The following ZNF385D variants were observed in gnomAD, a reference collection of about 807,000 sequenced individuals.
ZNF385D encodes the protein zinc finger protein 659.
A neutral mutation model predicts 35.8 loss-of-function variants in ZNF385D; 15 were observed. The ratio of observed to expected loss-of-function variants is 0.42; its 90% CI spans 0.28 to 0.64. ZNF385D has a LOEUF of 0.64. ZNF385D is among the 30% of genes least tolerant of loss of function. ZNF385D has a pLI of 0.23. For synonymous variants in ZNF385D, 212 were observed against 186.8 expected, an observed-to-expected ratio of 1.13 and a Z score of -1.10; for missense variants, 474 against 494.6, an observed-to-expected ratio of 0.96 and a Z score of 0.39.
intron 3 of ZNF385D, among the ~76,000 whole-genome samples, chr3:22,020,060 A>G (rs907313785): frequency 3.3e-5 from 5 of 151,906 alleles, no homozygotes; most frequent in African/African-American, 1.2e-4. Context: ...AACAAAATTC[A>G]TACAATTAAA....
At position 21,437,075 on chromosome 3, in the gene ZNF385D, A is replaced by C; in HGVS notation, c.568T>G (p.Cys190Gly). 3 of 1,614,034 alleles carry C rather than the reference A, an allele frequency of 1.9e-6. No individual in the cohort carries two copies. Among genetic ancestry groups the C allele is most frequent in the Non-Finnish European group, 2.5e-6 (3 of 1,179,900 alleles). Reference sequence around the variant, plus strand: ...TCTTCCTCGGTCTCAGTAGAAGGACATGAGCTATTGCCAGTGGCTGTCGTT... The same window carrying C: ...TCTTCCTCGGTCTCAGTAGAAGGACCTGAGCTATTGCCAGTGGCTGTCGTT... The part of the protein sequence containing the change: ...SPTTATGNSS[C>G]PSTETEEEKA... Residue 190 changes from cysteine to glycine, a missense_variant, in exon 5 of 8, where the codon TGT (cysteine) becomes GGT (glycine). Transcript: ENST00000281523.
chr3:22,367,107 T>C (rs1232375878), intron 2 of ZNF385D, among the ~76,000 whole-genome samples: 1 of 152,192 alleles, frequency 6.6e-6, no homozygotes. Context: ...ACAGTAGCCA[T>C]AGAAAACTAA....
At chr3:21,509,319 G>A (rs1200417825) in intron 4 of ZNF385D, among the ~76,000 whole-genome samples, 1 of 152,106 alleles carries the variant, frequency 6.6e-6, no homozygotes, top group Non-Finnish European at 1.5e-5. Context: ...AAAGGCTTCA[G>A]GATTTTTCTG....
chr3:22,235,001 C>T (rs549638483), intron 2 of ZNF385D, among the ~76,000 whole-genome samples: 18 of 152,004 alleles, frequency 1.2e-4, no homozygotes, highest in African/African-American at 4.3e-4. Context: ...ATTATATATA[C>T]CAAATCTCAA....
intron 4 of ZNF385D, among the ~76,000 whole-genome samples, chr3:21,446,248 C>G (rs418137): frequency 0.65 from 98,163 of 151,940 alleles, 31,996 homozygotes; most frequent in African/African-American, 0.72. Flanking sequence ...GGTCTCAGCT[C>G]TAAAGCTAAA....
intron 2 of ZNF385D, among the ~76,000 whole-genome samples, chr3:21,629,597 C>CT (rs988532678): frequency 2.0e-5 from 3 of 152,180 alleles, no homozygotes; most frequent in East Asian, 1.9e-4. Context: ...TTTTCTTCTT[C>CT]TTTTTTTAAC....
chr3:22,261,170 A>T (rs76935694), intron 2 of ZNF385D, among the ~76,000 whole-genome samples: 1,635 of 151,842 alleles, frequency 0.011, 23 homozygotes, highest in African/African-American at 0.037. Context: ...TAGCCTCTCA[A>T]ATTTGTTGTT....
At chr3:21,911,297 C>T (rs1429048765) in intron 3 of ZNF385D, among the ~76,000 whole-genome samples, 1 of 151,838 alleles carries the variant, frequency 6.6e-6, no homozygotes, top group African/African-American at 2.4e-5. Flanking sequence ...TTGTAAGAAA[C>T]ATTAGTAAAG....
intron 2 of ZNF385D, among the ~76,000 whole-genome samples, chr3:21,653,770 G>A (rs987986637): frequency 4.0e-5 from 6 of 151,010 alleles, no homozygotes; most frequent in Non-Finnish European, 7.4e-5. Context: ...AGAACTATCC[G>A]GAAAAAAAAA....
At chr3:21,473,992 C>T (rs779162272) in intron 4 of ZNF385D, among the ~76,000 whole-genome samples, 2 of 151,656 alleles carry the variant, frequency 1.3e-5, no homozygotes, top group Non-Finnish European at 2.9e-5. Context: ...TATGTGTAAG[C>T]TAGATATGTG....
chr3:22,250,832 T>G (rs565812661), intron 2 of ZNF385D, among the ~76,000 whole-genome samples: 44 of 152,188 alleles, frequency 2.9e-4, no homozygotes, highest in Admixed American at 6.6e-4. Context: ...GGTACCTCAG[T>G]GGCTTTAAAA....
intron 3 of ZNF385D, among the ~76,000 whole-genome samples, chr3:21,544,891 A>G (rs780740516): frequency 6.6e-5 from 10 of 152,202 alleles, no homozygotes; most frequent in Non-Finnish European, 1.3e-4. Context: ...GGCTTTGCGA[A>G]TACTTCAGAG....
chr3:22,295,036 A>G (rs979914506), intron 2 of ZNF385D, among the ~76,000 whole-genome samples: 1 of 152,112 alleles, frequency 6.6e-6, no homozygotes, highest in Admixed American at 6.6e-5. Flanking sequence ...TGGCTTTAAA[A>G]TGTTTGTTTA....
chr3:21,751,341 T>C (rs2070073484), upstream of ZNF385D: 2 of 1,052,528 alleles, frequency 1.9e-6, no homozygotes, highest in Middle Eastern at 9.1e-4. Flanking sequence ...CCCAGAGACT[T>C]GGGAAGGGGC....
intron 4 of ZNF385D, among the ~76,000 whole-genome samples, chr3:21,463,825 A>G (rs537410772): frequency 3.3e-5 from 5 of 152,280 alleles, no homozygotes; most frequent in Admixed American, 2.6e-4. Context: ...TTACAGTTCT[A>G]GAGTTACATT....
chr3:22,340,832 T>C (rs1044975363), intron 2 of ZNF385D, among the ~76,000 whole-genome samples: 3 of 152,232 alleles, frequency 2.0e-5, no homozygotes, highest in South Asian at 4.1e-4. Flanking sequence ...CTGCCTTTTA[T>C]GCCAGTAAGC....
intron 2 of ZNF385D, among the ~76,000 whole-genome samples, chr3:22,331,828 G>A (rs190579955): frequency 2.5e-3 from 386 of 152,144 alleles, no homozygotes; most frequent in Middle Eastern, 6.8e-3. Context: ...AATTGAATTC[G>A]TAATCATCAG....
rs1553591352 is a variant in ZNF385D, at chr3:22,030,286, T to TACAAATAACAAATAGG, written c.325+138530_325+138531insCCTATTTGTTATTTGT. ...ATATATATATATATATATATATATA[T>TACAAATAACAAATAGG]ATATATATATATATATCCTATTTGG... On this transcript the variant is annotated intron_variant, in intron 3 of 5. Transcript: ENST00000494108. 8.0e-3 allele frequency among the ~76,000 whole-genome samples: 806 copies of TACAAATAACAAATAGG among 100,272 alleles called. 62 individuals carry two copies. Among genetic ancestry groups the TACAAATAACAAATAGG allele is most frequent in the African/African-American group, 0.03 (749 of 24,682 alleles). The allele number at this position is 100,272 out of a possible 152,430, so 65.8% of individuals were successfully genotyped here. A position where few individuals can be genotyped will look rare whatever the true frequency, so the allele number is the denominator to read the frequency against.
intron 3 of ZNF385D, among the ~76,000 whole-genome samples, chr3:21,815,546 A>T (rs971436903): frequency 1.3e-5 from 2 of 152,226 alleles, no homozygotes; most frequent in African/African-American, 4.8e-5. Context: ...AGAATACTAT[A>T]AACACCTCTC....
Sources: allele counts gnomAD v4.1 joint callset (sites outside exome capture counted in the v4.1 genomes callset), GRCh38; gene constraint gnomAD v4.1.1; transcripts MANE v1.5; gene names NCBI Gene and HGNC (gene_info 2026-07-23, HGNC 2026-07-21).